The following SMYD4 variants were observed in gnomAD, a reference collection of about 807,000 sequenced individuals.
SMYD4 encodes the protein protein-lysine N-methyltransferase SMYD4.
Under a neutral mutation model 72.8 loss-of-function variants are expected in SMYD4, and 68 were observed. The observed-to-expected ratio is 0.93, with a 90% CI of 0.77 to 1.14. The LOEUF (loss-of-function observed/expected upper bound fraction) is 1.14. SMYD4 is among the 50% of genes most tolerant of loss of function. The pLI, the probability that SMYD4 is intolerant of heterozygous loss-of-function variation, is 0.00. For synonymous variants in SMYD4, 407 were observed against 388.6 expected (o/e 1.05, Z -0.56); for missense variants, 984 against 1,003.7 (o/e 0.98, Z 0.27).
intron 2 of SMYD4, among the ~76,000 whole-genome samples, chr17:1,823,509 T>C (rs1910999873): frequency 6.6e-6 from 1 of 151,844 alleles, no homozygotes; most frequent in African/African-American, 2.4e-5. Context: ...ACTATGTGTG[T>C]GCGAGCAGGA....
chr17:1,806,702 TAGTG>T (rs1156410389), intron 3 of SMYD4, among the ~76,000 whole-genome samples: 3 of 152,188 alleles, frequency 2.0e-5, no homozygotes, highest in Non-Finnish European at 4.4e-5. Flanking sequence ...ATTATGCTGT[TAGTG>T]AGGGTGTACA....
intron 3 of SMYD4, among the ~76,000 whole-genome samples, chr17:1,805,018 T>C (rs1909961699): frequency 6.6e-6 from 1 of 151,968 alleles, no homozygotes; most frequent in Non-Finnish European, 1.5e-5. Flanking sequence ...TAACAAAGGG[T>C]GGGTGGCACA....
At chr17:1,798,003 GA>G (rs1355701691) in intron 5 of SMYD4, among the ~76,000 whole-genome samples, 1 of 149,006 alleles carries the variant, frequency 6.7e-6, no homozygotes, top group African/African-American at 2.5e-5. Context: ...CTCCATCTCA[GA>G]AAAAAAAAGA....
intron 5 of SMYD4, among the ~76,000 whole-genome samples, chr17:1,796,724 C>T (rs779012841): frequency 5.9e-5 from 9 of 152,042 alleles, no homozygotes; most frequent in Non-Finnish European, 8.8e-5. Flanking sequence ...TATGAGCCAC[C>T]GCGCCCAGCC....
chr17:1,825,013 C>T (rs1035643251), intron 2 of SMYD4, among the ~76,000 whole-genome samples: 2 of 152,086 alleles, frequency 1.3e-5, no homozygotes, highest in Admixed American at 6.6e-5. Flanking sequence ...TTTTTTCCTT[C>T]GTCTTCCACC....
At chr17:1,794,105 A>ATATATTTTTTTTTT (rs1291818005) in intron 5 of SMYD4, among the ~76,000 whole-genome samples, 1 of 12,982 alleles carries the variant, frequency 7.7e-5, no homozygotes, top group Non-Finnish European at 1.4e-4. Flanking sequence ...ATATATATAT[A>ATATATTTTTTTTTT]TTTTTTTTTT....
Position 1,800,397 on chromosome 17 carries a change from T to C in SMYD4, c.997A>G (p.Thr333Ala). The change falls in exon 5 of 11, where the codon ACA becomes GCA. Residue 333 changes from threonine (T) to alanine (A), a missense_variant. By Grantham distance (58) the Thr-to-Ala change is moderately conservative (BLOSUM62 0). Transcript: ENST00000305513. ...AGCAGCCCTCCCAGAGGACATTCTG[T>C]CCTGTGGTAGAGCTCCCAGGCCTGC... ...LQQAWELYHR[T>A]ECPLGGLLLT... The C allele has an allele frequency of 6.2e-7, 1 of 1,614,160 alleles. No homozygotes were observed. Among genetic ancestry groups the C allele is most frequent in the Non-Finnish European group, 8.5e-7 (1 of 1,180,034 alleles).
At chr17:1,817,919 T>A (rs1024410805) in intron 2 of SMYD4, among the ~76,000 whole-genome samples, 79 of 151,566 alleles carry the variant, frequency 5.2e-4, no homozygotes, top group Admixed American at 1.3e-3. Context: ...TGGTGGCGGG[T>A]GCCTGTAGTC....
intron 3 of SMYD4, among the ~76,000 whole-genome samples, chr17:1,811,743 A>G (rs923379481): frequency 2.0e-5 from 3 of 152,126 alleles, no homozygotes; most frequent in Admixed American, 2.0e-4. Flanking sequence ...CCTGGCCAAC[A>G]TGGCGAAAAC....
In SMYD4 at chr17:1,787,508, T is replaced by C. The variant is rs368021741; in HGVS notation, c.1634A>G (p.Asn545Ser). The C allele has an allele frequency of 6.6e-5, 104 of 1,585,256 alleles. No individual in the cohort carries two copies. The highest frequency in any genetic ancestry group is 8.2e-5 in the Non-Finnish European group (96 of 1,165,888). Reference protein sequence around the residue: ...ISLLNHSCSPNTSVSFISTVA... With the variant: ...ISLLNHSCSPSTSVSFISTVA... Reference sequence around the variant, plus strand: ...AGTGCTAATGAAGGACACGCTGGTGTTGGGGCTACAGGAGTGGTTCAGGAG... The same window carrying C: ...AGTGCTAATGAAGGACACGCTGGTGCTGGGGCTACAGGAGTGGTTCAGGAG... Residue 545 changes from asparagine to serine, a missense_variant, in exon 6 of 11, where the codon AAC (asparagine) becomes AGC (serine). Coordinates refer to ENST00000305513, the MANE Select transcript of SMYD4 (RefSeq NM_052928.3).
chr17:1,801,849 G>A (rs982457542), intron 4 of SMYD4, among the ~76,000 whole-genome samples: 3 of 151,700 alleles, frequency 2.0e-5, no homozygotes, highest in African/African-American at 2.4e-5. Context: ...GGTGGTGGGC[G>A]CCTGTAGTCC....
At chr17:1,794,066 T>TATAC (rs1567770901) in intron 5 of SMYD4, among the ~76,000 whole-genome samples, 1 of 55,568 alleles carries the variant, frequency 1.8e-5, no homozygotes, top group Admixed American at 1.6e-4. Context: ...TGTATATATA[T>TATAC]GTGTATATAT....
At chr17:1,794,099 A>T (rs28636678) in intron 5 of SMYD4, among the ~76,000 whole-genome samples, 4 of 11,872 alleles carry the variant, frequency 3.4e-4, no homozygotes, top group Non-Finnish European at 5.1e-4. Context: ...ATATATATAT[A>T]TATATATTTT....
chr17:1,784,637 A>G (rs1469076047), intron 7 of SMYD4, 176 bp from the exon 8 acceptor site: 8 of 918,014 alleles, frequency 8.7e-6, no homozygotes, highest in Non-Finnish European at 1.0e-5. Context: ...AATGGCGGCA[A>G]TTCTAATGAA....
chr17:1,794,007 G>GTATATATA (rs373859746), intron 5 of SMYD4, among the ~76,000 whole-genome samples: 1 of 81,244 alleles, frequency 1.2e-5, no homozygotes, highest in African/African-American at 5.5e-5. Context: ...ATATATATAT[G>GTATATATA]TATATATATA....
intron 5 of SMYD4, among the ~76,000 whole-genome samples, chr17:1,794,027 A>ATATATATGTGTG (rs1567770729): frequency 3.4e-5 from 2 of 58,312 alleles, no homozygotes; most frequent in Non-Finnish European, 7.5e-5. Flanking sequence ...ATATGTGTGT[A>ATATATATGTGTG]TATATATATG....
rs762118274 is a variant in SMYD4 at position 1,800,864 on chromosome 17, G to C, written c.530C>G (p.Pro177Arg). ...SDLERNFTAT[P>R]ALADVLPQTL... ...CTGAGGGAGGACATCTGCTAGGGCT[G>C]GTGTGGCTGTGAAGTTCCTTTCAAG... The change falls in exon 5 of 11, where the codon CCA becomes CGA. Residue 177 changes from proline (P) to arginine (R), a missense_variant. Coordinates refer to ENST00000305513, the MANE Select transcript of SMYD4 (RefSeq NM_052928.3). 6.8e-6 allele frequency: 11 copies of C among 1,614,038 alleles called. No individual in the cohort carries two copies. The South Asian group carries it at 1.1e-4, about 16-fold the overall frequency.
rs759838951 is a variant in SMYD4 at position 1,783,412 on chromosome 17, G to A, written c.2085C>T (p.His695=). 30 of 1,612,734 alleles carry A rather than the reference G, an allele frequency of 1.9e-5. No individual in the cohort carries two copies. The highest frequency in any genetic ancestry group is 8.3e-5 in the Admixed American group (5 of 60,000). Reference sequence around the variant, plus strand: ...CATCCGCGATCTCTCCCACCACGGCGTGCTCTGCCCACAGGAAGCTCTCGG... The same window carrying A: ...CATCCGCGATCTCTCCCACCACGGCATGCTCTGCCCACAGGAAGCTCTCGG... The part of the protein sequence containing the change: ...RDAESFLWAE[H]AVVGEIADGL... The change falls in exon 9 of 11, where the codon CAC becomes CAT. Residue 695 remains histidine (H), a synonymous_variant. Coordinates refer to ENST00000305513, the MANE Select transcript of SMYD4 (RefSeq NM_052928.3).
chr17:1,789,125 T>C (rs980045178), intron 5 of SMYD4, among the ~76,000 whole-genome samples: 4 of 151,778 alleles, frequency 2.6e-5, no homozygotes, highest in South Asian at 2.1e-4. Flanking sequence ...TGGTGGCTCA[T>C]GCCTGTAATC....
Sources: gnomAD v4.1 joint callset for allele counts (sites outside exome capture counted in the v4.1 genomes callset) on GRCh38, gnomAD v4.1.1 for gene constraint, MANE v1.5 for transcripts, NCBI Gene and HGNC (gene_info 2026-07-23, HGNC 2026-07-21) for gene names.